Variants in HYAL1 observed in about 807,000 individuals in gnomAD.
HYAL1 encodes the protein hyaluronidase-1.
Under a neutral mutation model 28.8 loss-of-function variants are expected in HYAL1, and 21 were observed. The ratio of observed to expected loss-of-function variants is 0.73; its 90% confidence interval spans 0.52 to 1.05. The LOEUF is 1.05. HYAL1 is among the 50% of genes least tolerant of loss of function. The pLI is 0.00. For missense variants in HYAL1, 491 were observed against 579.2 expected (o/e 0.85, Z 1.56); for synonymous variants, 200 against 230.1 (o/e 0.87, Z 1.18).
upstream of HYAL1, among the ~76,000 whole-genome samples, chr3:50,308,314 A>G: frequency 6.6e-6 from 1 of 150,464 alleles, no homozygotes; most frequent in East Asian, 1.9e-4. Context: ...TTTGGTAGAC[A>G]TGGGGTTTCA....
At chr3:50,311,433 A>C (rs1476998411) in intron 1 of HYAL1, among the ~76,000 whole-genome samples, 10 of 110,692 alleles carry the variant, frequency 9.0e-5, no homozygotes, top group East Asian at 9.5e-4. Flanking sequence ...GCGGCTGGCC[A>C]GGCGGGGGGC....
Position 50,300,559 on chromosome 3 carries a change from T to C in HYAL1, c.1232A>G (p.Gln411Arg). The C allele has an allele frequency of 1.2e-6, 2 of 1,614,278 alleles. No individual in the cohort carries two copies. Among genetic ancestry groups the C allele is most frequent in the East Asian group, 2.2e-5 (1 of 44,890 alleles). The change falls in exon 4 of 4, where the codon CAG becomes CGG. Residue 411 changes from glutamine to arginine, a missense_variant. Gln to Arg is a conservative substitution (Grantham distance 43). Transcript: ENST00000395144. ...TCGACATTTGAACTCCACAGCCATC[T>C]GTGCCTGATCTTCAAGTGAGAGGGC... ...RGALSLEDQA[Q>R]MAVEFKCRCY...
intron 1 of HYAL1, 180 bp from the exon 2 acceptor site, chr3:50,303,160 G>A (rs1345152333): frequency 1.8e-6 from 1 of 546,204 alleles, no homozygotes; most frequent in East Asian, 3.0e-5. Context: ...GGCCACTGGA[G>A]GGCACATCCG....
chr3:50,311,322 C>T (rs1702446718), intron 1 of HYAL1, among the ~76,000 whole-genome samples: 1 of 133,938 alleles, frequency 7.5e-6, no homozygotes, highest in African/African-American at 2.8e-5. Context: ...GGGGCTGACC[C>T]CCCCACCTCC....
In HYAL1 at chr3:50,300,616, G is replaced by T; in HGVS notation, c.1175C>A (p.Thr392Lys). 1 of 1,614,200 alleles carries T rather than the reference G, an allele frequency of 6.2e-7. No individual in the cohort carries two copies. The highest frequency in any genetic ancestry group is 8.5e-7 in the Non-Finnish European group (1 of 1,180,036). ...CAGGCTCAGGGGCCCACCACCAGGCGTGAGCTGGATGGAGAAACTGGCAGG... is the reference window on the plus strand; with the variant it reads ...CAGGCTCAGGGGCCCACCACCAGGCTTGAGCTGGATGGAGAAACTGGCAGG... ...LNPASFSIQL[T>K]PGGGPLSLRG... Residue 392 changes from threonine (T) to lysine (K), a missense_variant, in exon 4 of 4, where the codon ACG (threonine) becomes AAG (lysine). Thr to Lys is a moderately conservative substitution (Grantham distance 78). Coordinates refer to ENST00000395144, the MANE Select transcript of HYAL1 (RefSeq NM_033159.4).
chr3:50,310,263 G>GT (rs1221809703), intron 1 of HYAL1, among the ~76,000 whole-genome samples: 2 of 140,554 alleles, frequency 1.4e-5, no homozygotes, highest in African/African-American at 5.5e-5. Flanking sequence ...ACTAAGCTGT[G>GT]TGTTTTTTTT....
At chr3:50,311,646 T>C (rs371716868) in intron 1 of HYAL1, among the ~76,000 whole-genome samples, 4,360 of 85,552 alleles carry the variant, frequency 0.051, 539 homozygotes, top group East Asian at 0.47. Flanking sequence ...CCCTCCCGGA[T>C]GGGGCGGCTG....
intron 3 of HYAL1, 81 bp from the exon 4 acceptor site, chr3:50,300,881 G>C (rs1702115187): frequency 1.3e-6 from 2 of 1,538,536 alleles, no homozygotes; most frequent in African/African-American, 1.4e-5. Context: ...CTCACCTGCT[G>C]GTCAGCCAGG....
chr3:50,312,330 A>T (rs1286249919), exon 1 of HYAL1: 2 of 165,208 alleles, frequency 1.2e-5, no homozygotes, highest in Non-Finnish European at 2.6e-5. Context: ...CCAGGGAGAG[A>T]CGCTCCTCAC....
At chr3:50,304,296 AATATATATATATAT>A (rs1175956843), upstream of HYAL1, among the ~76,000 whole-genome samples, 379 of 30,320 alleles carry the variant, frequency 0.013, 5 homozygotes, top group Middle Eastern at 0.031. Context: ...AAAAAAAAAA[AATATATATATATAT>A]ATATATATAT....
chr3:50,301,031 G>C lies in HYAL1; in HGVS notation c.947C>G (p.Ala316Gly), dbSNP rs1553712749. The C allele has an allele frequency of 1.9e-6, 3 of 1,589,812 alleles. No homozygotes were observed. The Admixed American group carries it at 5.3e-5, about 28-fold the overall frequency. ...CCAGCTCACCCAGAGCACCACTCCA[G>C]CTGCCCCCTGGGCCGCACTCTCCCC... ...SLGESAAQGA[A>G]GVVLWVSWEN... Residue 316 changes from alanine (A) to glycine (G), a missense_variant, in exon 3 of 4, where the codon GCT becomes GGT. Transcript: ENST00000395144.
Position 50,302,868 on chromosome 3 carries a change from C to CGGTT in HYAL1, c.85_88dup (p.Arg30GlnfsTer42), listed in dbSNP as rs782351974. ...TGCATTCCAGACGGTGGTGAAGGGCCGGTTGGGTAGCAAGGGGCCCCTAAA... is the reference window on the plus strand; with the variant it reads ...TGCATTCCAGACGGTGGTGAAGGGCCGGTTGGTTGGGTAGCAAGGGGCCCCTAAA... On this transcript the variant is annotated frameshift_variant, in exon 2 of 4. Transcript: ENST00000395144. LOFTEE classifies it high-confidence loss of function. This position sits in a 1 kb window ranked among gnomAD's most constrained non-coding sequence, Gnocchi z 5.0. 4.3e-6 allele frequency: 7 copies of CGGTT among 1,613,098 alleles called. No individual in the cohort carries two copies. The highest frequency in any genetic ancestry group is 5.9e-6 in the Non-Finnish European group (7 of 1,179,322).
chr3:50,302,134 C>T lies in HYAL1; in HGVS notation c.823G>A (p.Ala275Thr). Residue 275 changes from alanine (A) to threonine (T), a missense_variant, in exon 2 of 4, where the codon GCT becomes ACT. Coordinates refer to ENST00000395144, the MANE Select transcript of HYAL1 (RefSeq NM_033159.4). This position sits in a 1 kb window ranked among gnomAD's most constrained non-coding sequence, Gnocchi z 5.0. ...ACCGGCAGATTGGGGTCACCAGCAGCCACAGCCACACGGAATGCCTCGGCC... is the reference window on the plus strand; with the variant it reads ...ACCGGCAGATTGGGGTCACCAGCAGTCACAGCCACACGGAATGCCTCGGCC... ...RVAEAFRVAV[A>T]AGDPNLPVLP... 1 of 1,614,204 alleles carries T rather than the reference C, an allele frequency of 6.2e-7. No individual in the cohort carries two copies. Among genetic ancestry groups the T allele is most frequent in the East Asian group, 2.2e-5 (1 of 44,888 alleles).
rs74342080 is a variant in HYAL1 at position 50,302,687 on chromosome 3, C to A, written c.270G>T (p.Glu90Asp). The A allele has an allele frequency of 1.2e-6, 2 of 1,614,088 alleles. No individual in the cohort carries two copies. The highest frequency in any genetic ancestry group is 1.7e-6 in the Non-Finnish European group (2 of 1,180,024). The change falls in exon 2 of 4, where the codon GAG (glutamate) becomes GAT (aspartate). Residue 90 changes from glutamate (E) to aspartate (D), a missense_variant. Physicochemically the swap from Glu to Asp is conservative, Grantham distance 45. Transcript: ENST00000395144. This position sits in a 1 kb window ranked among gnomAD's most constrained non-coding sequence, Gnocchi z 5.0. ...TCTGGGGCAGACCACCAAACACAGG[C>A]TCCCCAGTGGGCGTGTAGTAGGGGT... ...GTYPYYTPTG[E>D]PVFGGLPQNA...
upstream of HYAL1, among the ~76,000 whole-genome samples, chr3:50,304,754 G>A (rs1446967211): frequency 6.6e-6 from 1 of 152,028 alleles, no homozygotes; most frequent in Non-Finnish European, 1.5e-5. Flanking sequence ...TATATGTGCT[G>A]GGTTAGTGAC....
At chr3:50,307,386 T>G (rs1286891112), upstream of HYAL1, among the ~76,000 whole-genome samples, 1 of 133,266 alleles carries the variant, frequency 7.5e-6, no homozygotes, top group Non-Finnish European at 1.6e-5. Flanking sequence ...AAATAAAAAA[T>G]AAACCAAAAT....
At position 50,302,574 on chromosome 3, in the gene HYAL1, A is replaced by G. The variant is rs1553713280; in HGVS notation, c.383T>C (p.Ile128Thr). 1 of 1,614,140 alleles carries G rather than the reference A, an allele frequency of 6.2e-7. No homozygotes were observed. Among genetic ancestry groups the G allele is most frequent in the Admixed American group, 1.7e-5 (1 of 60,024 alleles). Residue 128 changes from isoleucine (I) to threonine (T), a missense_variant, in exon 2 of 4, where the codon ATC (isoleucine) becomes ACC (threonine). By Grantham distance (89) the Ile-to-Thr change is moderately conservative. Coordinates refer to ENST00000395144, the MANE Select transcript of HYAL1 (RefSeq NM_033159.4). The surrounding 1 kb of genome is among the most constrained non-coding windows in gnomAD (Gnocchi z 5.0). ...GCGTGGGCGCCATGCCTCCCAGTCG[A>G]TGACTGCCAGCCCTGAGAAGTCAGG... Reference protein sequence around the residue: ...PAPDFSGLAVIDWEAWRPRWA... With the variant: ...PAPDFSGLAVTDWEAWRPRWA...
chr3:50,303,118 G>A, intron 1 of HYAL1, 138 bp from the exon 2 acceptor site: 1 of 672,238 alleles, frequency 1.5e-6, no homozygotes, highest in Non-Finnish European at 2.4e-6. Context: ...CAGGGCTCCA[G>A]GAGGGCAGGG....
chr3:50,304,293 AAAAATATATATAT>A (rs1302016683), upstream of HYAL1, among the ~76,000 whole-genome samples: 10 of 57,036 alleles, frequency 1.8e-4, no homozygotes, highest in African/African-American at 7.4e-4. Context: ...AAAAAAAAAA[AAAAATATATATAT>A]ATATATATAT....
Sources: gnomAD v4.1 joint callset for allele counts (sites outside exome capture counted in the v4.1 genomes callset) on GRCh38, gnomAD v4.1.1 for gene constraint, Gnocchi (gnomAD v3.1) non-coding constraint, MANE v1.5 for transcripts, NCBI Gene and HGNC (gene_info 2026-07-23, HGNC 2026-07-21) for gene names.